Variants in GALNTL6 observed in about 807,000 individuals in gnomAD.
GALNTL6 encodes the protein polypeptide N-acetylgalactosaminyltransferase like 6.
A neutral mutation model predicts 73.7 loss-of-function variants in GALNTL6; 46 were observed. The observed-to-expected ratio is 0.62, with a 90% CI of 0.49 to 0.80. The LOEUF (loss-of-function observed/expected upper bound fraction) is 0.80. GALNTL6 is among the 30% of genes least tolerant of loss of function. The pLI is 0.00. For missense variants in GALNTL6, 604 were observed against 755.0 expected, an observed-to-expected ratio of 0.80 and a Z score of 2.34; for synonymous variants, 259 against 263.7, an observed-to-expected ratio of 0.98 and a Z score of 0.17.
intron 5 of GALNTL6, among the ~76,000 whole-genome samples, chr4:172,586,889 C>A (rs1277146838): frequency 6.6e-6 from 1 of 152,184 alleles, no homozygotes; most frequent in Non-Finnish European, 1.5e-5. Flanking sequence ...TCTCCTGATT[C>A]CTTGTGCCAA....
At chr4:171,840,077 A>T (rs1579500059) in intron 2 of GALNTL6, among the ~76,000 whole-genome samples, 1 of 152,286 alleles carries the variant, frequency 6.6e-6, no homozygotes, top group South Asian at 2.1e-4. Flanking sequence ...AGGGATATTT[A>T]CTTTCATGGC....
At position 172,601,965 on chromosome 4, in the gene GALNTL6, C is replaced by A. The variant is rs1352426952; in HGVS notation, c.554-207396C>A. On this transcript the variant is annotated intron_variant, in intron 5 of 12. Coordinates refer to ENST00000506823, the MANE Select transcript of GALNTL6 (RefSeq NM_001034845.3). ...AATTAATAGGAAAAATGTTTTTAAT[C>A]ACTCTGGGGCTGGGGGACACTTCTT... Among the ~76,000 whole-genome samples the A allele has an allele frequency of 2.0e-5, 3 of 151,998 alleles. No homozygotes were observed. The East Asian group carries it at 5.8e-4, about 29-fold the overall frequency.
chr4:171,966,641 C>T (rs1454902218), intron 2 of GALNTL6, among the ~76,000 whole-genome samples: 1 of 152,092 alleles, frequency 6.6e-6, no homozygotes, highest in Admixed American at 6.6e-5. Context: ...AAGGTCTTAT[C>T]TTTGAGAGCC....
chr4:171,963,537 G>A (rs1354396013), intron 2 of GALNTL6, among the ~76,000 whole-genome samples: 1 of 152,130 alleles, frequency 6.6e-6, no homozygotes, highest in Non-Finnish European at 1.5e-5. Context: ...AACTGTTTAT[G>A]TATATACCAA....
At chr4:172,594,475 T>C (rs1388425050) in intron 5 of GALNTL6, among the ~76,000 whole-genome samples, 1 of 152,226 alleles carries the variant, frequency 6.6e-6, no homozygotes, top group African/African-American at 2.4e-5. Flanking sequence ...TAGTAATATT[T>C]CCATAAAGTA....
At chr4:172,246,883 G>A (rs781090785) in intron 3 of GALNTL6, among the ~76,000 whole-genome samples, 1 of 150,976 alleles carries the variant, frequency 6.6e-6, no homozygotes, top group African/African-American at 2.4e-5. Context: ...TGCCAGTACT[G>A]TAACTTTAAT....
intron 5 of GALNTL6, among the ~76,000 whole-genome samples, chr4:172,656,456 A>C (rs1731017728): frequency 6.6e-6 from 1 of 152,208 alleles, no homozygotes; most frequent in Non-Finnish European, 1.5e-5. Flanking sequence ...AAACTGAGTA[A>C]ACGATATGAA....
At chr4:172,835,984 C>G (rs892867453) in intron 7 of GALNTL6, among the ~76,000 whole-genome samples, 16 of 152,158 alleles carry the variant, frequency 1.1e-4, no homozygotes, top group African/African-American at 3.9e-4. Context: ...GAGTGAACCT[C>G]CACCTGCTGA....
intron 5 of GALNTL6, among the ~76,000 whole-genome samples, chr4:172,424,802 C>T (rs191887511): frequency 9.7e-4 from 147 of 152,042 alleles, no homozygotes; most frequent in Non-Finnish European, 3.7e-4. Context: ...ATGGCCATGA[C>T]CAAATGCAAG....
At chr4:172,412,466 A>G (rs570672905) in intron 5 of GALNTL6, among the ~76,000 whole-genome samples, 1 of 152,318 alleles carries the variant, frequency 6.6e-6, no homozygotes, top group Non-Finnish European at 1.5e-5. Context: ...AGGGCTGTGT[A>G]TCAGAATCAG....
At chr4:172,073,255 C>T (rs1249957323) in intron 2 of GALNTL6, among the ~76,000 whole-genome samples, 9 of 152,120 alleles carry the variant, frequency 5.9e-5, no homozygotes, top group African/African-American at 2.2e-4. Flanking sequence ...AATAAAAGCT[C>T]GTGCAAGCCC....
chr4:172,854,639 A>G (rs1744029533), intron 7 of GALNTL6, among the ~76,000 whole-genome samples: 1 of 152,128 alleles, frequency 6.6e-6, no homozygotes, highest in Admixed American at 6.6e-5. Context: ...TCCCCATTCT[A>G]TATCCAATTG....
At chr4:172,328,697 A>G in intron 4 of GALNTL6, among the ~76,000 whole-genome samples, 1 of 152,102 alleles carries the variant, frequency 6.6e-6, no homozygotes, top group South Asian at 2.1e-4. Flanking sequence ...AATACTGGCT[A>G]TTGCATTGAG....
chr4:172,261,945 C>G (rs1738272283), intron 3 of GALNTL6, among the ~76,000 whole-genome samples: 1 of 151,098 alleles, frequency 6.6e-6, no homozygotes, highest in East Asian at 1.9e-4. Context: ...TTTGGGGTTC[C>G]TTTTGGAGCT....
Position 172,833,022 on chromosome 4 carries a change from C to T in GALNTL6, c.923+19299C>T, listed in dbSNP as rs73871873. On this transcript the variant is annotated intron_variant, in intron 7 of 12. Transcript: ENST00000506823. ...CATGGCTCTGGCCAGGTGGGAAGAA[C>T]TGTGATTGGCAGCCCCACAGAACCA... Among the ~76,000 whole-genome samples the T allele has an allele frequency of 5.9e-3, 888 of 150,746 alleles. 9 individuals are homozygous for T. Among genetic ancestry groups the T allele is most frequent in the African/African-American group, 0.021 (857 of 40,918 alleles).
At chr4:172,662,654 T>C (rs1401642337) in intron 5 of GALNTL6, among the ~76,000 whole-genome samples, 1 of 152,220 alleles carries the variant, frequency 6.6e-6, no homozygotes, top group Non-Finnish European at 1.5e-5. Flanking sequence ...ATCAATGGAT[T>C]CATTCAATTG....
At position 171,862,520 on chromosome 4, in the gene GALNTL6, T is replaced by C. The variant is rs144393197; in HGVS notation, c.138+47802T>C. Reference sequence around the variant, plus strand: ...GAATTTGGAAAATATATTGTAATTATCATATTTTAGAAAGTAAGCAAGCAA... The same window carrying C: ...GAATTTGGAAAATATATTGTAATTACCATATTTTAGAAAGTAAGCAAGCAA... On this transcript the variant is annotated intron_variant, in intron 2 of 12. Transcript: ENST00000506823. 2.3e-3 allele frequency among the ~76,000 whole-genome samples: 344 copies of C among 152,238 alleles called. 3 individuals are homozygous for C. Among genetic ancestry groups the C allele is most frequent in the African/African-American group, 7.9e-3 (328 of 41,560 alleles).
chr4:172,557,765 C>T (rs1187476483), intron 5 of GALNTL6, among the ~76,000 whole-genome samples: 2 of 152,110 alleles, frequency 1.3e-5, no homozygotes, highest in Non-Finnish European at 2.9e-5. Flanking sequence ...TGATATGAAA[C>T]ATCTGGCAAT....
rs35654500 is a variant in GALNTL6 at position 172,185,075 on chromosome 4, A to G, written c.139-44581A>G. ...CTAAACCATAGCAGTTAAGTCAGCA[A>G]TAAGAATCAACCATAGTTAGAAGAG... On this transcript the variant is annotated intron_variant, in intron 2 of 12. Transcript: ENST00000506823. 3.9e-3 allele frequency among the ~76,000 whole-genome samples: 587 copies of G among 152,326 alleles called. 3 individuals carry two copies. The highest frequency in any genetic ancestry group is 0.013 in the African/African-American group (538 of 41,562).
Sources: allele counts gnomAD v4.1 joint callset (sites outside exome capture counted in the v4.1 genomes callset), GRCh38; gene constraint gnomAD v4.1.1; transcripts MANE v1.5; gene names NCBI Gene and HGNC (gene_info 2026-07-23, HGNC 2026-07-21).